MAGI2: variants seen among roughly 807,000 people sequenced by gnomAD.
MAGI2 encodes the protein membrane associated guanylate kinase, WW and PDZ domain containing 2.
Under a neutral mutation model 133.3 loss-of-function variants are expected in MAGI2, and 35 were observed. That is an observed-to-expected ratio of 0.26 (90% CI 0.20 to 0.35). The LOEUF is 0.35. MAGI2 is among the 10% of genes least tolerant of loss of function. The pLI is 1.00. For synonymous variants in MAGI2, 729 were observed against 710.6 expected, an observed-to-expected ratio of 1.03 and a Z score of -0.41; for missense variants, 1,636 against 1,863.4, an observed-to-expected ratio of 0.88 and a Z score of 2.25.
chr7:78,170,722 A>G (rs1826031827), intron 14 of MAGI2: 1 of 152,094 alleles, frequency 6.6e-6, no homozygotes. Flanking sequence ...ATTTCTAAAT[A>G]GGCAGTATAT....
chr7:78,221,266 T>G (rs981906528), intron 10 of MAGI2, among the ~76,000 whole-genome samples: 2 of 152,186 alleles, frequency 1.3e-5, no homozygotes, highest in African/African-American at 4.8e-5. Context: ...GGATGACTGC[T>G]CCCCACATGG....
intron 1 of MAGI2, among the ~76,000 whole-genome samples, chr7:79,041,445 C>G (rs192562426): frequency 1.2e-3 from 187 of 152,068 alleles, no homozygotes; most frequent in African/African-American, 4.3e-3. Context: ...ATAGTTATAA[C>G]AAGAATCAGA....
At chr7:78,665,843 G>A (rs1014735282) in intron 2 of MAGI2, among the ~76,000 whole-genome samples, 44 of 152,040 alleles carry the variant, frequency 2.9e-4, no homozygotes, top group Admixed American at 2.7e-3. Flanking sequence ...TGCCAGGCAC[G>A]TCTCTAAATG....
chr7:78,201,062 G>C, intron 11 of MAGI2, 100 bp downstream of exon 11: 1 of 736,022 alleles, frequency 1.4e-6, no homozygotes, highest in Non-Finnish European at 2.2e-6. Flanking sequence ...CAGACTCCTA[G>C]AGTTGAAAGA....
At chr7:78,900,227 G>A (rs1373315099) in intron 2 of MAGI2, among the ~76,000 whole-genome samples, 1 of 152,074 alleles carries the variant, frequency 6.6e-6, no homozygotes, top group Non-Finnish European at 1.5e-5. Context: ...ACTTCCTGCT[G>A]CCTCATATAT....
chr7:79,244,724 C>A (rs148295630), intron 1 of MAGI2, among the ~76,000 whole-genome samples: 102 of 152,258 alleles, frequency 6.7e-4, no homozygotes, highest in African/African-American at 2.3e-3. Context: ...ATGTGTTGGG[C>A]TTGGAGCCAG....
intron 2 of MAGI2, among the ~76,000 whole-genome samples, chr7:78,798,822 A>C (rs893242856): frequency 6.6e-6 from 1 of 152,174 alleles, no homozygotes; most frequent in African/African-American, 2.4e-5. Context: ...ATTCTAACTA[A>C]GGCAAATCTA....
intron 6 of MAGI2, chr7:78,486,560 T>A (rs1793028513): frequency 7.7e-6 from 2 of 260,218 alleles, no homozygotes; most frequent in South Asian, 6.0e-5. Context: ...ACATGTTGTG[T>A]CTGAGACTCT....
intron 10 of MAGI2, among the ~76,000 whole-genome samples, chr7:78,208,564 A>G (rs1787360531): frequency 6.6e-6 from 1 of 152,222 alleles, no homozygotes; most frequent in Non-Finnish European, 1.5e-5. Flanking sequence ...AGGGGAATAA[A>G]GAGAGAAACC....
intron 1 of MAGI2, among the ~76,000 whole-genome samples, chr7:79,364,875 T>C (rs899288113): frequency 6.6e-6 from 1 of 150,712 alleles, no homozygotes; most frequent in African/African-American, 2.5e-5. Flanking sequence ...AGTTGCAAAA[T>C]TCATAAAAAA....
intron 10 of MAGI2, among the ~76,000 whole-genome samples, chr7:78,222,267 TCAG>T (rs1788910121): frequency 6.6e-6 from 1 of 152,318 alleles, no homozygotes; most frequent in African/African-American, 2.4e-5. Context: ...ATTTTTCTCT[TCAG>T]CAGCTGTTTC....
intron 2 of MAGI2, among the ~76,000 whole-genome samples, chr7:78,715,893 C>G (rs147340660): frequency 1.6e-5 from 1 of 64,150 alleles, no homozygotes; most frequent in East Asian, 3.0e-4. Context: ...CCATAACACT[C>G]GGAATTTTCA....
chr7:78,754,031 A>G (rs993188603), intron 2 of MAGI2, among the ~76,000 whole-genome samples: 4 of 152,174 alleles, frequency 2.6e-5, no homozygotes, highest in African/African-American at 9.7e-5. Context: ...TCAGCCAGAG[A>G]AAACTGATAT....
intron 1 of MAGI2, among the ~76,000 whole-genome samples, chr7:79,291,382 A>G (rs1235001775): frequency 6.6e-6 from 1 of 152,140 alleles, no homozygotes; most frequent in East Asian, 1.9e-4. Context: ...ACATTTGTAT[A>G]CAAGTTTCTG....
rs59531463 is a variant in MAGI2 at position 78,061,409 on chromosome 7, T to TACACAC, written c.3706+17532_3706+17537dup. 9.0e-3 allele frequency among the ~76,000 whole-genome samples: 1,264 copies of TACACAC among 139,748 alleles called. 9 individuals carry two copies. Among genetic ancestry groups the TACACAC allele is most frequent in the African/African-American group, 0.018 (665 of 36,400 alleles). The allele number at this position is 139,748 out of a possible 152,430, so 91.7% of individuals were successfully genotyped here. A position where few individuals can be genotyped will look rare whatever the true frequency, so the allele number is the denominator to read the frequency against. On this transcript the variant is annotated intron_variant, in intron 21 of 21. Coordinates refer to ENST00000354212, the MANE Select transcript of MAGI2 (RefSeq NM_012301.4). ...TATGCTCACATCTGGGGACTGGTTG[T>TACACAC]ACACACACACACACACACACACACA...
intron 9 of MAGI2, among the ~76,000 whole-genome samples, chr7:78,341,425 C>T (rs937614161): frequency 4.6e-5 from 7 of 152,260 alleles, no homozygotes; most frequent in East Asian, 1.9e-4. Context: ...ATCAAGCTAC[C>T]GTTGGCTTTC....
At chr7:78,315,791 G>A (rs558800898) in intron 9 of MAGI2, among the ~76,000 whole-genome samples, 15 of 152,118 alleles carry the variant, frequency 9.9e-5, no homozygotes, top group Admixed American at 7.8e-4. Flanking sequence ...TTTATAGGTA[G>A]TAAGTTTCTA....
At chr7:78,620,414 G>A (rs1264951448) in intron 3 of MAGI2, among the ~76,000 whole-genome samples, 2 of 151,960 alleles carry the variant, frequency 1.3e-5, no homozygotes, top group African/African-American at 2.4e-5. Flanking sequence ...TACATCTTCT[G>A]TCATCATAGC....
intron 21 of MAGI2, among the ~76,000 whole-genome samples, chr7:78,050,282 G>C (rs1330401211): frequency 6.6e-6 from 1 of 152,126 alleles, no homozygotes; most frequent in Non-Finnish European, 1.5e-5. Flanking sequence ...GAACCTTAGG[G>C]ATCTCATATT....
Sources: allele counts gnomAD v4.1 joint callset (sites outside exome capture counted in the v4.1 genomes callset), GRCh38; gene constraint gnomAD v4.1.1; transcripts MANE v1.5; gene names NCBI Gene and HGNC (gene_info 2026-07-23, HGNC 2026-07-21).